The following MPHOSPH8 variants were observed in gnomAD, a reference collection of about 807,000 sequenced individuals.
The protein encoded by MPHOSPH8 is M-phase phosphoprotein, mpp.
Under a neutral mutation model 87.3 loss-of-function variants are expected in MPHOSPH8, and 45 were observed. The ratio of observed to expected loss-of-function variants is 0.52; its 90% CI spans 0.41 to 0.66. The LOEUF (loss-of-function observed/expected upper bound fraction) is 0.66, where lower values mean the gene tolerates loss of function less well. Among genes scored for constraint, MPHOSPH8 ranks in the 30% least tolerant of loss-of-function variants. The pLI, the probability that MPHOSPH8 is intolerant of heterozygous loss-of-function variation, is 0.00. For synonymous variants in MPHOSPH8, 366 were observed against 376.9 expected (o/e 0.97, Z 0.33); for missense variants, 883 against 1,020.2 (o/e 0.87, Z 1.83).
At chr13:19,666,635 T>G (rs138128382) in intron 10 of MPHOSPH8, 56 bp downstream of exon 10, 2 of 1,461,618 alleles carry the variant, frequency 1.4e-6, no homozygotes, top group Non-Finnish European at 1.8e-6. Context: ...TCTGTTTATG[T>G]AGACATATTA....
intron 5 of MPHOSPH8, among the ~76,000 whole-genome samples, chr13:19,654,840 C>T (rs1161147207): frequency 6.6e-6 from 1 of 151,976 alleles, no homozygotes. Context: ...CCCAGCTACT[C>T]AGGAAGTTGA....
In MPHOSPH8 at chr13:19,633,740, G is replaced by C; in HGVS notation, c.-9G>C. On this transcript the variant is annotated 5_prime_UTR_variant, in exon 1 of 14. Coordinates refer to ENST00000361479, the MANE Select transcript of MPHOSPH8 (RefSeq NM_017520.4). ...CGGGTTTTCCTCGGCGGTTTGCGGA[G>C]CTGCTAGGATGGAGCAGGTTGCGGA... The C allele has an allele frequency of 6.3e-7, 1 of 1,581,688 alleles. No individual in the cohort carries two copies. Among genetic ancestry groups the C allele is most frequent in the Non-Finnish European group, 8.6e-7 (1 of 1,164,272 alleles).
chr13:19,639,082 CA>C (rs201170839), intron 1 of MPHOSPH8, among the ~76,000 whole-genome samples: 17,549 of 132,964 alleles, frequency 0.13, 1,204 homozygotes, highest in African/African-American at 0.22. Flanking sequence ...GACTCCGTCT[CA>C]AAAAAAAAAA....
intron 1 of MPHOSPH8, among the ~76,000 whole-genome samples, chr13:19,639,254 T>A (rs1415889149): frequency 6.6e-6 from 1 of 151,574 alleles, no homozygotes; most frequent in Admixed American, 6.6e-5. Context: ...TTGCGACTCC[T>A]CCTGAGCAGG....
At chr13:19,638,345 T>C (rs1353486611) in intron 1 of MPHOSPH8, among the ~76,000 whole-genome samples, 6 of 152,132 alleles carry the variant, frequency 3.9e-5, no homozygotes, top group Non-Finnish European at 7.4e-5. Flanking sequence ...CTGGGCACGG[T>C]GGCTCACACC....
intron 5 of MPHOSPH8, among the ~76,000 whole-genome samples, chr13:19,658,133 C>T (rs748442561): frequency 1.3e-5 from 2 of 152,182 alleles, no homozygotes; most frequent in Non-Finnish European, 2.9e-5. Flanking sequence ...GCTGTCAGCT[C>T]TCAGAGTTAG....
At position 19,673,195 on chromosome 13, in the gene MPHOSPH8, G is replaced by C; in HGVS notation, c.*1320G>C. 1 of 441,592 alleles carries C rather than the reference G, an allele frequency of 2.3e-6. No individual in the cohort carries two copies. The highest frequency in any genetic ancestry group is 4.5e-6 in the Non-Finnish European group (1 of 223,344). 27.4% of individuals were successfully genotyped at this position (441,592 alleles called of 1,614,324 possible). On this transcript the variant is annotated 3_prime_UTR_variant, in exon 14 of 14. Transcript: ENST00000361479. ...ACAGCCAAACCTGGCTGTCAGCTGT[G>C]TGGGAGCCACCACCCTCTCTGGGAA... is the stretch of plus-strand genomic sequence containing the variant.
At chr13:19,656,621 G>A (rs537627237) in intron 5 of MPHOSPH8, among the ~76,000 whole-genome samples, 28 of 151,564 alleles carry the variant, frequency 1.8e-4, no homozygotes, top group South Asian at 6.3e-4. Flanking sequence ...TTAGCTAGGC[G>A]TGGTGGCACA....
intron 1 of MPHOSPH8, among the ~76,000 whole-genome samples, chr13:19,641,519 T>G (rs1874292085): frequency 7.5e-6 from 1 of 134,168 alleles, no homozygotes; most frequent in Non-Finnish European, 1.6e-5. Context: ...AGACAGAGTT[T>G]CACTCTTGTT....
rs770960157 is a variant in MPHOSPH8 at position 19,668,328 on chromosome 13, G to A, written c.2175-49G>A. 4.5e-6 allele frequency: 7 copies of A among 1,557,330 alleles called. 1 individual carries two copies. The South Asian group carries it at 8.1e-5, about 18-fold the overall frequency. On this transcript the variant is annotated intron_variant, in intron 10 of 13. Transcript: ENST00000361479. ...GCCCTCACTGGTATTCGACAGGCTTGTGGTTCTTTTCTACATTAACGTTAA... is the reference window on the plus strand; with the variant it reads ...GCCCTCACTGGTATTCGACAGGCTTATGGTTCTTTTCTACATTAACGTTAA...
At chr13:19,670,987 T>A (rs1217929528) in intron 12 of MPHOSPH8, 2 of 1,162,556 alleles carry the variant, frequency 1.7e-6, no homozygotes, top group Non-Finnish European at 2.3e-6. Flanking sequence ...ATCCGGCTAA[T>A]TTTTTGTATT....
intron 10 of MPHOSPH8, among the ~76,000 whole-genome samples, chr13:19,667,281 G>A (rs1333815874): frequency 1.3e-5 from 2 of 152,058 alleles, no homozygotes; most frequent in Non-Finnish European, 2.9e-5. Context: ...AGATTTCCAA[G>A]CCTCCCCACC....
intron 1 of MPHOSPH8, among the ~76,000 whole-genome samples, chr13:19,640,027 A>C (rs1874204846): frequency 6.6e-6 from 1 of 151,670 alleles, no homozygotes; most frequent in Non-Finnish European, 1.5e-5. Flanking sequence ...AATCACTTGA[A>C]CCCGGGAGGC....
chr13:19,641,480 CTTTTT>C (rs869295535), intron 1 of MPHOSPH8, among the ~76,000 whole-genome samples: 6 of 72,258 alleles, frequency 8.3e-5, no homozygotes, highest in African/African-American at 4.7e-4. Context: ...GTGCCACCAT[CTTTTT>C]TTTTTTTTTT....
Position 19,673,237 on chromosome 13 carries a change from A to G in MPHOSPH8, c.*1362A>G, listed in dbSNP as rs184657198. 6 of 417,958 alleles carry G rather than the reference A, an allele frequency of 1.4e-5. No individual in the cohort carries two copies. The highest frequency in any genetic ancestry group is 1.3e-4 in the African/African-American group (6 of 47,710). The allele number at this position is 417,958 out of a possible 1,614,324, so 25.9% of individuals were successfully genotyped here. ...CTCTGGGAAGAGTTCCTGCTTCTGT[A>G]TGGCAAGCATAAATCAAGCTCAGTC... On this transcript the variant is annotated 3_prime_UTR_variant, in exon 14 of 14. Coordinates refer to ENST00000361479, the MANE Select transcript of MPHOSPH8 (RefSeq NM_017520.4).
chr13:19,648,622 C>G (rs1325767720), intron 4 of MPHOSPH8, 101 bp downstream of exon 4: 1 of 460,256 alleles, frequency 2.2e-6, no homozygotes, highest in Non-Finnish European at 3.4e-6. Context: ...AATTTTTTTT[C>G]CTTATTTTCA....
chr13:19,664,104 G>A (rs997429478), intron 9 of MPHOSPH8, among the ~76,000 whole-genome samples: 6 of 152,074 alleles, frequency 3.9e-5, no homozygotes, highest in Non-Finnish European at 5.9e-5. Flanking sequence ...TCAGCCTCCC[G>A]AGTAGCTGGG....
intron 1 of MPHOSPH8, among the ~76,000 whole-genome samples, chr13:19,638,190 A>C (rs934929630): frequency 6.6e-6 from 1 of 152,332 alleles, no homozygotes; most frequent in East Asian, 1.9e-4. Context: ...GGATAAAATC[A>C]CCATCTTCCC....
chr13:19,668,277 CTTTG>C (rs1041045168), intron 10 of MPHOSPH8, 96 bp from the exon 11 acceptor site: 5 of 1,040,548 alleles, frequency 4.8e-6, no homozygotes, highest in South Asian at 3.2e-5. Context: ...AGCTGCAGGT[CTTTG>C]TTTGGAAGGT....
Sources: allele counts gnomAD v4.1 joint callset (sites outside exome capture counted in the v4.1 genomes callset), GRCh38; gene constraint gnomAD v4.1.1; transcripts MANE v1.5; gene names NCBI Gene and HGNC (gene_info 2026-07-23, HGNC 2026-07-21).